Variants in GRK3 observed in about 807,000 individuals in gnomAD.
GRK3 encodes adrenergic, beta, receptor kinase 2.
In GRK3, 54 loss-of-function variants were observed where a neutral mutation model predicts 95.7. The observed-to-expected ratio is 0.56, with a 90% CI of 0.45 to 0.71. The LOEUF (loss-of-function observed/expected upper bound fraction) is 0.71. GRK3 is among the 30% of genes least tolerant of loss of function. The pLI is 0.00. For missense variants in GRK3, 649 were observed against 851.2 expected (o/e 0.76, Z 2.96); for synonymous variants, 281 against 290.8 (o/e 0.97, Z 0.34).
intron 17 of GRK3, among the ~76,000 whole-genome samples, chr22:25,712,141 T>C (rs918972481): frequency 2.0e-5 from 3 of 152,082 alleles, no homozygotes; most frequent in African/African-American, 7.2e-5. Flanking sequence ...CCCCAGGAGA[T>C]GAGGGGCTGG....
Position 25,661,641 on chromosome 22 carries a change from T to C in GRK3, c.330T>C (p.Asp110=), listed in dbSNP as rs1569183715. Residue 110 remains aspartate (D), a synonymous_variant, in exon 4 of 21, where the codon GAT becomes GAC. Coordinates refer to ENST00000324198, the MANE Select transcript of GRK3 (RefSeq NM_005160.4). The stretch of plus-strand genomic sequence containing the variant: ...TTTGCAGAAGTCGACAAATTTATGA[T>C]GCCTACATCATGAAGGAACTTCTTT... ...DRLCRSRQIY[D]AYIMKELLSC... The C allele has an allele frequency of 1.9e-6, 3 of 1,613,108 alleles. No homozygotes were observed. The highest frequency in any genetic ancestry group is 2.5e-6 in the Non-Finnish European group (3 of 1,179,322).
At chr22:25,692,154 G>A (rs1008661471) in intron 12 of GRK3, among the ~76,000 whole-genome samples, 1 of 152,048 alleles carries the variant, frequency 6.6e-6, no homozygotes, top group East Asian at 1.9e-4. Context: ...ATTTTTTAAA[G>A]ACGGGGTCTC....
intron 1 of GRK3, among the ~76,000 whole-genome samples, chr22:25,587,792 G>A (rs1409077068): frequency 6.6e-6 from 1 of 152,218 alleles, no homozygotes; most frequent in African/African-American, 2.4e-5. Flanking sequence ...GGTTTGATAA[G>A]GGGAAACCCG....
chr22:25,686,566 A>G (rs2085116349), intron 10 of GRK3, among the ~76,000 whole-genome samples: 1 of 152,204 alleles, frequency 6.6e-6, no homozygotes, highest in African/African-American at 2.4e-5. Context: ...AAAGTTGGAC[A>G]CACATTCATT....
At position 25,680,571 on chromosome 22, in the gene GRK3, G is replaced by A. The variant is rs942812816; in HGVS notation, c.747+1656G>A. Among the ~76,000 whole-genome samples the A allele has an allele frequency of 3.3e-5, 5 of 152,146 alleles. No homozygotes were observed. The East Asian group carries it at 9.6e-4, about 29-fold the overall frequency. On this transcript the variant is annotated intron_variant, in intron 9 of 20. Coordinates refer to ENST00000324198, the MANE Select transcript of GRK3 (RefSeq NM_005160.4). ...AATATTTTTATATTGATTTGACTCA[G>A]GTGAGAGGAGATGTGGTTAAGTGGT... is the stretch of plus-strand genomic sequence containing the variant.
At chr22:25,655,052 C>T (rs555269339) in intron 3 of GRK3, among the ~76,000 whole-genome samples, 3 of 152,160 alleles carry the variant, frequency 2.0e-5, no homozygotes, top group Admixed American at 1.3e-4. Flanking sequence ...TTCTCTGACC[C>T]CTCATTTTTG....
intron 3 of GRK3, among the ~76,000 whole-genome samples, chr22:25,649,384 T>A (rs948152105): frequency 1.3e-5 from 2 of 152,066 alleles, no homozygotes; most frequent in Non-Finnish European, 2.9e-5. Flanking sequence ...ACAAAACCAC[T>A]TTTTTTTACC....
intron 12 of GRK3, among the ~76,000 whole-genome samples, chr22:25,691,146 C>T (rs560872717): frequency 1.3e-5 from 2 of 152,326 alleles, no homozygotes; most frequent in African/African-American, 4.8e-5. Context: ...AGGTGATGAT[C>T]TGGGTGGAAA....
In GRK3 at chr22:25,724,283, C is replaced by G. The variant is rs1007708234; in HGVS notation, c.*1833C>G. On this transcript the variant is annotated 3_prime_UTR_variant, in exon 21 of 21. Transcript: ENST00000324198. Reference sequence around the variant, plus strand: ...TTCTCAGCATGTGCAGTTGAGGATGCGCTGGGCCTCATGCCTGTTCTAGAT... The same window carrying G: ...TTCTCAGCATGTGCAGTTGAGGATGGGCTGGGCCTCATGCCTGTTCTAGAT... The G allele has an allele frequency of 3.3e-5, 5 of 152,310 alleles. No individual in the cohort carries two copies. The highest frequency in any genetic ancestry group is 9.6e-5 in the African/African-American group (4 of 41,552). 9.4% of individuals were successfully genotyped at this position (152,310 alleles called of 1,614,324 possible). A position where few individuals can be genotyped will look rare whatever the true frequency, so the allele number is the denominator to read the frequency against.
rs564641591 is a variant in GRK3 at position 25,665,652 on chromosome 22, G to A, written c.441+1948G>A. On this transcript the variant is annotated intron_variant, in intron 5 of 20. Transcript: ENST00000324198. ...TCAGAGGTGAAGAAAATCTTATAAA[G>A]TTTATTAAAATAAGGAGTATATTAA... Among the ~76,000 whole-genome samples, 15 of 152,080 alleles carry A rather than the reference G, an allele frequency of 9.9e-5. No homozygotes were observed. The South Asian group carries it at 1.7e-3, about 17-fold the overall frequency.
At chr22:25,704,894 C>G (rs930661709) in intron 15 of GRK3, among the ~76,000 whole-genome samples, 1 of 152,180 alleles carries the variant, frequency 6.6e-6, no homozygotes, top group African/African-American at 2.4e-5. Flanking sequence ...GCTCACTATT[C>G]TCCTGCCCCA....
intron 15 of GRK3, among the ~76,000 whole-genome samples, chr22:25,706,341 G>T (rs5761159): frequency 0.51 from 77,229 of 151,260 alleles, 22,590 homozygotes; most frequent in African/African-American, 0.8. Flanking sequence ...CAATGCCCAG[G>T]CCTGTGTCTC....
chr22:25,636,932 A>G (rs1032293851), intron 2 of GRK3, among the ~76,000 whole-genome samples: 1 of 152,234 alleles, frequency 6.6e-6, no homozygotes, highest in African/African-American at 2.4e-5. Flanking sequence ...CTGGTAAAAC[A>G]TTATTGCTGG....
Position 25,678,927 on chromosome 22 carries a change from A to G in GRK3, c.747+12A>G. On this transcript the variant is annotated intron_variant, in intron 9 of 20. Coordinates refer to ENST00000324198, the MANE Select transcript of GRK3 (RefSeq NM_005160.4). Reference sequence around the variant, plus strand: ...TTGTCAGCACAGGAGTAAGTATTCAATTTCCAGCATTTCTTTTAAAAATGT... The same window carrying G: ...TTGTCAGCACAGGAGTAAGTATTCAGTTTCCAGCATTTCTTTTAAAAATGT... The G allele has an allele frequency of 6.9e-7, 1 of 1,441,302 alleles. No individual in the cohort carries two copies. Among genetic ancestry groups the G allele is most frequent in the Middle Eastern group, 1.8e-4 (1 of 5,626 alleles). 89.3% of individuals were successfully genotyped at this position (1,441,302 alleles called of 1,614,324 possible).
At chr22:25,586,630 T>C (rs116692171) in intron 1 of GRK3, among the ~76,000 whole-genome samples, 1,964 of 152,058 alleles carry the variant, frequency 0.013, 12 homozygotes, top group African/African-American at 0.044. Context: ...TGGGGAGGGC[T>C]GCATAGTCTT....
At chr22:25,693,922 A>C (rs998972233) in intron 12 of GRK3, among the ~76,000 whole-genome samples, 1 of 151,668 alleles carries the variant, frequency 6.6e-6, no homozygotes, top group East Asian at 1.9e-4. Flanking sequence ...CTCCCGAGTA[A>C]CTGGGATTAC....
intron 3 of GRK3, among the ~76,000 whole-genome samples, chr22:25,647,020 C>CAAAAAAAAA (rs1025786169): frequency 1.9e-5 from 1 of 54,004 alleles, no homozygotes; most frequent in Non-Finnish European, 3.8e-5. Flanking sequence ...GACTTTGTCT[C>CAAAAAAAAA]AAAAAAAAAA....
chr22:25,715,534 AT>A (rs908709145), intron 18 of GRK3, among the ~76,000 whole-genome samples: 4 of 152,310 alleles, frequency 2.6e-5, no homozygotes, highest in Non-Finnish European at 2.9e-5. Context: ...GCCAAACTGT[AT>A]TTTTATGTAA....
intron 2 of GRK3, among the ~76,000 whole-genome samples, chr22:25,624,842 A>G (rs1449996779): frequency 1.3e-5 from 2 of 151,962 alleles, no homozygotes; most frequent in Non-Finnish European, 2.9e-5. Context: ...TCCGCACACA[A>G]TGATTTTAAC....
Sources: gnomAD v4.1 joint callset for allele counts (sites outside exome capture counted in the v4.1 genomes callset) on GRCh38, gnomAD v4.1.1 for gene constraint, MANE v1.5 for transcripts, NCBI Gene and HGNC (gene_info 2026-07-23, HGNC 2026-07-21) for gene names.